The following MPHOSPH9 variants were observed in gnomAD, a reference collection of about 807,000 sequenced individuals.
MPHOSPH9 encodes the protein M-phase phosphoprotein 9.
A neutral mutation model predicts 145.5 loss-of-function variants in MPHOSPH9; 88 were observed. That is an observed-to-expected ratio of 0.60 (90% CI 0.51 to 0.72). MPHOSPH9 has a LOEUF of 0.72. Ranked by LOEUF, MPHOSPH9 falls within the 30% of genes least tolerant of loss-of-function variation. The pLI, the probability that MPHOSPH9 is intolerant of heterozygous loss-of-function variation, is 0.00. For synonymous variants in MPHOSPH9, 435 were observed against 486.2 expected (o/e 0.89, Z 1.39); for missense variants, 1,238 against 1,386.6 (o/e 0.89, Z 1.70).
At chr12:123,196,354 A>G (rs1252904188) in intron 12 of MPHOSPH9, among the ~76,000 whole-genome samples, 3 of 152,128 alleles carry the variant, frequency 2.0e-5, no homozygotes, top group Non-Finnish European at 4.4e-5. Context: ...CCATCTCAAC[A>G]AAAAAACAAA....
At chr12:123,211,182 G>C (rs538585026) in intron 7 of MPHOSPH9, among the ~76,000 whole-genome samples, 6 of 151,870 alleles carry the variant, frequency 4.0e-5, no homozygotes, top group Non-Finnish European at 7.4e-5. Context: ...ACAGGGTTTT[G>C]CCATTTTGGC....
At chr12:123,157,938 C>T (rs914108029) in intron 23 of MPHOSPH9, among the ~76,000 whole-genome samples, 1 of 151,912 alleles carries the variant, frequency 6.6e-6, no homozygotes, top group Non-Finnish European at 1.5e-5. Flanking sequence ...AACTGTTCCT[C>T]TTTCCTGTTT....
At chr12:123,200,326 G>T (rs1331936177) in intron 11 of MPHOSPH9, among the ~76,000 whole-genome samples, 1 of 150,982 alleles carries the variant, frequency 6.6e-6, no homozygotes, top group Non-Finnish European at 1.5e-5. Flanking sequence ...CCATAAGCCA[G>T]ATCAAATCTT....
chr12:123,157,490 T>A (rs917465354), intron 23 of MPHOSPH9, among the ~76,000 whole-genome samples: 1 of 152,168 alleles, frequency 6.6e-6, no homozygotes, highest in African/African-American at 2.4e-5. Flanking sequence ...TACTTCTGTG[T>A]TTTTGTTGAG....
At chr12:123,238,471 T>C (rs1236972414) in intron 1 of MPHOSPH9, among the ~76,000 whole-genome samples, 1 of 152,074 alleles carries the variant, frequency 6.6e-6, no homozygotes, top group Non-Finnish European at 1.5e-5. Flanking sequence ...TTCTTAAATG[T>C]CATATAAATA....
chr12:123,175,396 G>A (rs1043041439), intron 16 of MPHOSPH9, among the ~76,000 whole-genome samples: 3 of 151,852 alleles, frequency 2.0e-5, no homozygotes, highest in Admixed American at 6.6e-5. Context: ...CTTGTGATCC[G>A]CCCGCCTCGG....
chr12:123,192,995 C>T (rs931932101), intron 13 of MPHOSPH9, among the ~76,000 whole-genome samples: 1 of 148,026 alleles, frequency 6.8e-6, no homozygotes, highest in Non-Finnish European at 1.5e-5. Context: ...TTGCTTGAAC[C>T]TGGGAGGCAG....
At chr12:123,177,300 G>A (rs777690194) in intron 15 of MPHOSPH9, among the ~76,000 whole-genome samples, 8 of 152,186 alleles carry the variant, frequency 5.3e-5, no homozygotes, top group African/African-American at 1.2e-4. Flanking sequence ...TTGGGAGGCC[G>A]AGGTGGGTGG....
chr12:123,225,367 C>A (rs2047393420), intron 3 of MPHOSPH9, among the ~76,000 whole-genome samples: 2 of 149,530 alleles, frequency 1.3e-5, no homozygotes, highest in East Asian at 2.0e-4. Flanking sequence ...TGGCTTGAGC[C>A]CAAGAGGTTG....
intron 13 of MPHOSPH9, 30 bp from the exon 14 acceptor site, chr12:123,181,240 C>T (rs766236658): frequency 4.3e-5 from 68 of 1,589,244 alleles, no homozygotes; most frequent in Non-Finnish European, 5.5e-5. Flanking sequence ...AAAATTATAC[C>T]ACAAAATTAA....
At chr12:123,207,561 A>G (rs994374297) in intron 8 of MPHOSPH9, among the ~76,000 whole-genome samples, 10 of 152,184 alleles carry the variant, frequency 6.6e-5, no homozygotes, top group African/African-American at 2.2e-4. Context: ...TGATCAAAAT[A>G]CAGAAATGAA....
upstream of MPHOSPH9, among the ~76,000 whole-genome samples, chr12:123,235,838 C>T (rs990256371): frequency 1.3e-5 from 2 of 151,198 alleles, no homozygotes; most frequent in Non-Finnish European, 3.0e-5. Flanking sequence ...CCGAGGCAAG[C>T]GGATCGCTTG....
chr12:123,218,671 G>C (rs996065645), intron 5 of MPHOSPH9, among the ~76,000 whole-genome samples, 172 bp from the exon 6 acceptor site: 5 of 151,930 alleles, frequency 3.3e-5, no homozygotes, highest in Admixed American at 3.3e-4. Context: ...GATTACAGAC[G>C]CACTACCTCG....
chr12:123,203,348 G>A lies in MPHOSPH9; in HGVS notation c.1222C>T (p.Pro408Ser), dbSNP rs1406400271. ...QSNTSNEMKL[P>S]SLKDIYYKKQ... ...TTATAATAAATATCCTTCAGTGACG[G>A]TAGCTTCATCTCATTACTAGTATTA... is the stretch of plus-strand genomic sequence containing the variant. The change falls in exon 9 of 24, where the codon CCG becomes TCG. Residue 408 changes from proline (P) to serine (S), a missense_variant. Physicochemically the swap from Pro to Ser is moderately conservative, Grantham distance 74. Coordinates refer to ENST00000606320, the MANE Select transcript of MPHOSPH9 (RefSeq NM_022782.4). 1 of 1,608,916 alleles carries A rather than the reference G, an allele frequency of 6.2e-7. No homozygotes were observed. The highest frequency in any genetic ancestry group is 1.3e-5 in the African/African-American group (1 of 74,840).
intron 16 of MPHOSPH9, among the ~76,000 whole-genome samples, chr12:123,172,337 CT>C (rs564906823): frequency 0.23 from 33,341 of 145,832 alleles, 4,683 homozygotes; most frequent in Non-Finnish European, 0.34. Context: ...AATTTTCTTT[CT>C]TTTTTTTTTT....
chr12:123,221,477 C>A lies in MPHOSPH9; in HGVS notation c.767G>T (p.Cys256Phe). ...TACATCTTCCTTTAAAGACACATGA[C>A]ACTCTTCAGGAGTCTGTATATAAAA... ...ENFYIQTPEE[C>F]HVSLKEDVSI... is the part of the protein sequence containing the mutation. Residue 256 changes from cysteine to phenylalanine, a missense_variant, in exon 5 of 24, where the codon TGT becomes TTT. Around this residue, in one of 3 missense-constraint regions of MPHOSPH9, gnomAD observed 837 missense variants for 897.5 expected, o/e 0.93. Transcript: ENST00000606320. 1 of 1,613,926 alleles carries A rather than the reference C, an allele frequency of 6.2e-7. No individual in the cohort carries two copies. Among genetic ancestry groups the A allele is most frequent in the Non-Finnish European group, 8.5e-7 (1 of 1,179,824 alleles).
chr12:123,206,626 A>C (rs2046448560), intron 8 of MPHOSPH9, among the ~76,000 whole-genome samples: 1 of 152,100 alleles, frequency 6.6e-6, no homozygotes, highest in South Asian at 2.1e-4. Flanking sequence ...TAAGAGTTAT[A>C]TAATAAGCCA....
At chr12:123,169,400 T>G (rs11057178) in intron 16 of MPHOSPH9, among the ~76,000 whole-genome samples, 1 of 150,994 alleles carries the variant, frequency 6.6e-6, no homozygotes, top group Admixed American at 6.6e-5. Flanking sequence ...TCAGGAGGCT[T>G]AGGCAGGAGA....
At chr12:123,219,809 C>T (rs979597761) in intron 5 of MPHOSPH9, among the ~76,000 whole-genome samples, 3 of 152,106 alleles carry the variant, frequency 2.0e-5, no homozygotes, top group Non-Finnish European at 1.5e-5. Context: ...ACTTGTTTTA[C>T]AAACATTCAG....
Sources: allele counts gnomAD v4.1 joint callset (sites outside exome capture counted in the v4.1 genomes callset), GRCh38; gene constraint gnomAD v4.1.1; regional missense constraint gnomAD v4.1.1; transcripts MANE v1.5; gene names NCBI Gene and HGNC (gene_info 2026-07-23, HGNC 2026-07-21).